The following GALNT10 variants were observed in gnomAD, a reference collection of about 807,000 sequenced individuals.
GALNT10 encodes GalNAc transferase 10.
GALNT10 carries 41 observed loss-of-function variants against 75.0 expected under a neutral mutation model. The ratio of observed to expected loss-of-function variants is 0.55; its 90% CI spans 0.43 to 0.71. The LOEUF (loss-of-function observed/expected upper bound fraction) is 0.71, where lower values mean the gene tolerates loss of function less well. Among genes scored for constraint, GALNT10 ranks in the 30% least tolerant of loss-of-function variants. The pLI is 0.00. For synonymous variants in GALNT10, 302 were observed against 313.0 expected, an observed-to-expected ratio of 0.96 and a Z score of 0.37; for missense variants, 727 against 818.5, an observed-to-expected ratio of 0.89 and a Z score of 1.36.
intron 2 of GALNT10, among the ~76,000 whole-genome samples, chr5:154,295,455 T>C (rs1561653144): frequency 6.6e-6 from 1 of 151,992 alleles, no homozygotes; most frequent in Non-Finnish European, 1.5e-5. Flanking sequence ...AGAGGCAAAC[T>C]TGGAATTTGA....
intron 1 of GALNT10, among the ~76,000 whole-genome samples, chr5:154,206,030 T>C (rs943755928): frequency 3.3e-5 from 5 of 152,214 alleles, no homozygotes; most frequent in African/African-American, 1.2e-4. Flanking sequence ...TTGTGTTGTG[T>C]GTGTGTGTGT....
At position 154,255,846 on chromosome 5, in the gene GALNT10, C is replaced by T. The variant is rs139060788; in HGVS notation, c.160-38970C>T. 2.0e-5 allele frequency among the ~76,000 whole-genome samples: 3 copies of T among 151,242 alleles called. No homozygotes were observed. The East Asian group carries it at 5.9e-4, about 30-fold the overall frequency. On this transcript the variant is annotated intron_variant, in intron 1 of 11. Transcript: ENST00000297107. ...CAGGAAGCCTCCCTTCCCTCCCCTC[C>T]CCTCCCCTCCCCTCTCCTCCTCTCC...
rs752778520 is a variant in GALNT10, at chr5:154,404,201, G to A, written c.1154G>A (p.Ser385Asn). The A allele has an allele frequency of 1.9e-6, 3 of 1,594,568 alleles. No homozygotes were observed. The highest frequency in any genetic ancestry group is 2.6e-6 in the Non-Finnish European group (3 of 1,168,348). Residue 385 changes from serine (S) to asparagine (N), a missense_variant, in exon 8 of 12, where the codon AGC (serine) becomes AAC (asparagine). Transcript: ENST00000297107. ...YVPYKVPAGV[S>N]LARNLKRVAE... is the part of the protein sequence containing the mutation. ...CCCTACAAGGTCCCGGCCGGAGTCA[G>A]CCTGGCCCGGGTAAGGTGGTGGCTT...
Position 154,418,222 on chromosome 5 carries a change from CT to C in GALNT10, c.*1251del, listed in dbSNP as rs1318413235. On this transcript the variant is annotated 3_prime_UTR_variant, in exon 12 of 12. Coordinates refer to ENST00000297107, the MANE Select transcript of GALNT10 (RefSeq NM_198321.4). Reference sequence around the variant, plus strand: ...CATGTGTCCCTCAGCTCAGCAGAGGCTGTGGTACAACATGGTCCTTGGTGAA... The same window carrying C: ...CATGTGTCCCTCAGCTCAGCAGAGGCGTGGTACAACATGGTCCTTGGTGAA... 1.3e-5 allele frequency: 2 copies of C among 152,218 alleles called. No homozygotes were observed. Among genetic ancestry groups the C allele is most frequent in the Non-Finnish European group, 2.9e-5 (2 of 68,046 alleles). 9.4% of individuals were successfully genotyped at this position (152,218 alleles called of 1,614,324 possible).
Position 154,408,256 on chromosome 5 carries a change from C to T in GALNT10, c.1165-1285C>T, listed in dbSNP as rs1756324162. On this transcript the variant is annotated intron_variant, in intron 8 of 11. Transcript: ENST00000297107. Reference sequence around the variant, plus strand: ...TGGGACCCCTGCCTGACCTTCTGCTCCTAGAGCAATCCTTCACACTGAGGT... The same window carrying T: ...TGGGACCCCTGCCTGACCTTCTGCTTCTAGAGCAATCCTTCACACTGAGGT... Among the ~76,000 whole-genome samples, 3 of 152,182 alleles carry T rather than the reference C, an allele frequency of 2.0e-5. No homozygotes were observed. The South Asian group carries it at 6.2e-4, about 32-fold the overall frequency.
intron 1 of GALNT10, among the ~76,000 whole-genome samples, chr5:154,251,747 G>T (rs1162130067): frequency 6.6e-6 from 1 of 152,104 alleles, no homozygotes; most frequent in East Asian, 1.9e-4. Context: ...CCCTACACCA[G>T]ACCTGGAATT....
chr5:154,293,613 A>ATATATATATATATTTTTTTTTTT, intron 1 of GALNT10, among the ~76,000 whole-genome samples: 1 of 109,360 alleles, frequency 9.1e-6, no homozygotes, highest in Admixed American at 7.9e-5. Context: ...ATATATATAT[A>ATATATATATATATTTTTTTTTTT]TTTTTTTTTT....
intron 1 of GALNT10, among the ~76,000 whole-genome samples, chr5:154,222,094 A>C (rs1752988315): frequency 6.6e-6 from 1 of 152,078 alleles, no homozygotes; most frequent in Non-Finnish European, 1.5e-5. Context: ...CACCTCCAAA[A>C]GGTTCTTTGT....
chr5:154,346,754 A>G (rs1199790791), intron 4 of GALNT10, among the ~76,000 whole-genome samples: 2 of 152,202 alleles, frequency 1.3e-5, no homozygotes, highest in East Asian at 1.9e-4. Context: ...GAAGATTTAA[A>G]CCTTAAGTTG....
intron 4 of GALNT10, chr5:154,329,960 G>GGAAAAAA (rs1169880240): frequency 2.4e-5 from 1 of 42,432 alleles, no homozygotes; most frequent in Non-Finnish European, 5.6e-5. Flanking sequence ...TGTATTAACT[G>GGAAAAAA]CAAAAAAAAA....
intron 1 of GALNT10, among the ~76,000 whole-genome samples, chr5:154,225,557 A>C (rs1753049738): frequency 6.8e-6 from 1 of 147,802 alleles, no homozygotes; most frequent in African/African-American, 2.5e-5. Flanking sequence ...CACTTGGCTA[A>C]TTTTTTTTTT....
At chr5:154,328,760 AT>A in intron 3 of GALNT10, among the ~76,000 whole-genome samples, 1 of 152,146 alleles carries the variant, frequency 6.6e-6, no homozygotes, top group East Asian at 1.9e-4. Flanking sequence ...CTTAGATTTG[AT>A]TATCTGCCAG....
rs139784761 is a variant in GALNT10, at chr5:154,205,934, T to C, written c.159+14909T>C. Reference sequence around the variant, plus strand: ...AGAACTGTGACGCAATAAATTTCTGTTGTTCAAAGCCACCCACTTTATGGT... The same window carrying C: ...AGAACTGTGACGCAATAAATTTCTGCTGTTCAAAGCCACCCACTTTATGGT... On this transcript the variant is annotated intron_variant, in intron 1 of 11. Transcript: ENST00000297107. 2.5e-3 allele frequency among the ~76,000 whole-genome samples: 377 copies of C among 152,356 alleles called. 4 individuals are homozygous for C. Among genetic ancestry groups the C allele is most frequent in the African/African-American group, 8.5e-3 (355 of 41,580 alleles).
At chr5:154,221,886 C>G (rs1213110930) in intron 1 of GALNT10, among the ~76,000 whole-genome samples, 1 of 152,160 alleles carries the variant, frequency 6.6e-6, no homozygotes, top group East Asian at 1.9e-4. Flanking sequence ...GCCTTGCTTA[C>G]TTTGCCAGTG....
intron 8 of GALNT10, among the ~76,000 whole-genome samples, chr5:154,407,337 G>A (rs1269581488): frequency 6.6e-6 from 1 of 152,226 alleles, no homozygotes; most frequent in Non-Finnish European, 1.5e-5. Flanking sequence ...AGAGAAATAA[G>A]TGTAAAGTCA....
intron 1 of GALNT10, among the ~76,000 whole-genome samples, chr5:154,230,026 A>T (rs772406067): frequency 9.9e-5 from 14 of 141,818 alleles, no homozygotes; most frequent in Non-Finnish European, 2.2e-4. Context: ...CTCTCAAGGG[A>T]TCTTCAGTCC....
At chr5:154,336,685 C>T (rs1234101365) in intron 4 of GALNT10, among the ~76,000 whole-genome samples, 1 of 152,172 alleles carries the variant, frequency 6.6e-6, no homozygotes, top group Non-Finnish European at 1.5e-5. Context: ...CCCAATTCCC[C>T]TCCAGTCCCA....
In GALNT10 at chr5:154,233,452, G is replaced by A. The variant is rs548170420; in HGVS notation, c.159+42427G>A. Reference sequence around the variant, plus strand: ...AGCAAAAAGAAAATGGTCTCATTGTGCTGTCTCTGCAAGGAAAAGTGGGCT... The same window carrying A: ...AGCAAAAAGAAAATGGTCTCATTGTACTGTCTCTGCAAGGAAAAGTGGGCT... On this transcript the variant is annotated intron_variant, in intron 1 of 11. Transcript: ENST00000297107. 3.3e-5 allele frequency among the ~76,000 whole-genome samples: 5 copies of A among 152,326 alleles called. No individual in the cohort carries two copies. The East Asian group carries it at 9.6e-4, about 29-fold the overall frequency.
chr5:154,217,375 C>T (rs1236382751), intron 1 of GALNT10, among the ~76,000 whole-genome samples: 2 of 152,172 alleles, frequency 1.3e-5, no homozygotes, highest in Non-Finnish European at 2.9e-5. Flanking sequence ...GGGAATTTTA[C>T]ATCTCCCTTC....
Sources: allele counts gnomAD v4.1 joint callset (sites outside exome capture counted in the v4.1 genomes callset), GRCh38; gene constraint gnomAD v4.1.1; transcripts MANE v1.5; gene names NCBI Gene and HGNC (gene_info 2026-07-23, HGNC 2026-07-21).